Variants in ATOSA observed in about 807,000 individuals in gnomAD.
ATOSA encodes the protein atos homolog A, also known as atos homolog protein A.
the ATOSA span, among the ~76,000 whole-genome samples, chr15:52,675,905 CA>C: frequency 9.7e-4 from 93 of 95,644 alleles, no homozygotes; most frequent in African/African-American, 8.2e-4. Context: ...GACTCCGTCT[CA>C]AAAAAAAAAA....
At chr15:52,701,266 G>T in the ATOSA span, among the ~76,000 whole-genome samples, 1 of 152,138 alleles carries the variant, frequency 6.6e-6, no homozygotes, top group African/African-American at 2.4e-5. Context: ...GATAGCTTGA[G>T]CCCTGTCTCT....
At chr15:52,646,085 G>T in the ATOSA span, among the ~76,000 whole-genome samples, 202 of 152,186 alleles carry the variant, frequency 1.3e-3, 1 homozygote, top group African/African-American at 4.6e-3. Context: ...ACATAGGCTG[G>T]TTTCCCAAAA....
the ATOSA span, among the ~76,000 whole-genome samples, chr15:52,700,190 T>A: frequency 6.6e-6 from 1 of 152,188 alleles, no homozygotes; most frequent in African/African-American, 2.4e-5. Flanking sequence ...AGACTTTACA[T>A]ACCAAATTAA....
At chr15:52,597,988 G>A in the ATOSA span, among the ~76,000 whole-genome samples, 1 of 152,118 alleles carries the variant, frequency 6.6e-6, no homozygotes, top group African/African-American at 2.4e-5. Context: ...GCTGGGCATG[G>A]TGGCGCGCTC....
the ATOSA span, among the ~76,000 whole-genome samples, chr15:52,706,920 G>A: frequency 5.3e-5 from 8 of 152,150 alleles, no homozygotes; most frequent in African/African-American, 1.9e-4. Flanking sequence ...CTGCTAGCAG[G>A]TATGGGGTTT....
the ATOSA span, among the ~76,000 whole-genome samples, chr15:52,643,587 ACT>A: frequency 5.6e-3 from 792 of 140,832 alleles, 2 homozygotes; most frequent in African/African-American, 0.021. Context: ...CTGGCCTTGA[ACT>A]CTTTTTTTTT....
the ATOSA span, among the ~76,000 whole-genome samples, chr15:52,673,205 T>C: frequency 2.0e-5 from 3 of 152,374 alleles, no homozygotes; most frequent in Non-Finnish European, 4.4e-5. Context: ...GCTGAGGTAC[T>C]ATTACTTTCC....
chr15:52,635,060 A>G, the ATOSA span, among the ~76,000 whole-genome samples: 2 of 152,360 alleles, frequency 1.3e-5, no homozygotes, highest in African/African-American at 2.4e-5. Flanking sequence ...GATGAGGTCT[A>G]CTTTATAATG....
At chr15:52,697,320 T>A in the ATOSA span, among the ~76,000 whole-genome samples, 1 of 152,210 alleles carries the variant, frequency 6.6e-6, no homozygotes, top group African/African-American at 2.4e-5. Context: ...AGTTTCTCCC[T>A]CATCCTTGCT....
chr15:52,639,032 G>A, the ATOSA span, among the ~76,000 whole-genome samples: 1 of 144,932 alleles, frequency 6.9e-6, no homozygotes, highest in Non-Finnish European at 1.5e-5. Context: ...TTGACTTCAA[G>A]CAAAAAAAAG....
chr15:52,662,586 C>T, the ATOSA span, among the ~76,000 whole-genome samples: 10 of 152,052 alleles, frequency 6.6e-5, no homozygotes, highest in East Asian at 1.5e-3. Flanking sequence ...CTGGCTAACA[C>T]AGTGAAACCC....
chr15:52,690,922 C>T, the ATOSA span, among the ~76,000 whole-genome samples: 1 of 152,118 alleles, frequency 6.6e-6, no homozygotes, highest in Non-Finnish European at 1.5e-5. Flanking sequence ...ATTGAAATGT[C>T]AAGGAATTGA....
At chr15:52,657,245 A>C in the ATOSA span, 16 of 152,154 alleles carry the variant, frequency 1.1e-4, no homozygotes, top group African/African-American at 3.9e-4. Flanking sequence ...CAGTCATACA[A>C]ATGACTGATT....
the ATOSA span, chr15:52,593,854 T>C: frequency 1.0e-6 from 1 of 996,522 alleles, no homozygotes; most frequent in Non-Finnish European, 1.4e-6. Flanking sequence ...AGAAATATAT[T>C]ACTATGCTTT....
At chr15:52,697,957 A>ATTTTTTTTTTTTTTTTTTTTTTTTTT in the ATOSA span, among the ~76,000 whole-genome samples, 6 of 44,778 alleles carry the variant, frequency 1.3e-4, 1 homozygote, top group African/African-American at 1.7e-4. Context: ...GGGATGTAGA[A>ATTTTTTTTTTTTTTTTTTTTTTTTTT]TTTTTTTTTT....
At chr15:52,702,758 A>C in the ATOSA span, among the ~76,000 whole-genome samples, 2 of 144,466 alleles carry the variant, frequency 1.4e-5, no homozygotes, top group Non-Finnish European at 3.0e-5. Flanking sequence ...TGAGTCTAAA[A>C]GTTGAAAAAA....
the ATOSA span, among the ~76,000 whole-genome samples, chr15:52,665,769 T>C: frequency 1.3e-5 from 2 of 152,170 alleles, no homozygotes; most frequent in African/African-American, 4.8e-5. Flanking sequence ...TGAAAATGGT[T>C]AGGAAGATAA....
the ATOSA span, among the ~76,000 whole-genome samples, chr15:52,670,288 C>T: frequency 3.5e-4 from 54 of 152,206 alleles, 1 homozygote; most frequent in African/African-American, 1.2e-3. Context: ...GCAGAGGAAA[C>T]CATTTAGCAA....
the ATOSA span, among the ~76,000 whole-genome samples, chr15:52,628,303 T>C: frequency 2.0e-5 from 3 of 152,174 alleles, no homozygotes; most frequent in Admixed American, 2.0e-4. Flanking sequence ...ACAACAAATC[T>C]AAGTAATGTT....
Sources: allele counts gnomAD v4.1 joint callset (sites outside exome capture counted in the v4.1 genomes callset), GRCh38; gene constraint gnomAD v4.1.1; transcripts MANE v1.5; gene names NCBI Gene and HGNC (gene_info 2026-07-23, HGNC 2026-07-21).